Variants in DLC1 observed in about 807,000 individuals in gnomAD.
DLC1 encodes the protein DLC1 Rho GTPase activating protein, also known as rho GTPase-activating protein 7.
In DLC1, 54 loss-of-function variants were observed where a neutral mutation model predicts 140.3. That is an observed-to-expected ratio of 0.38 (90% CI 0.31 to 0.48). The LOEUF is 0.48. Among genes scored for constraint, DLC1 ranks in the 20% least tolerant of loss-of-function variants. The pLI is 0.96. For synonymous variants in DLC1, 986 were observed against 728.1 expected (o/e 1.35, Z -5.70); for missense variants, 2,536 against 1,907.0 (o/e 1.33, Z -6.14).
intron 5 of DLC1, among the ~76,000 whole-genome samples, chr8:13,143,134 G>A (rs1056062748): frequency 6.6e-6 from 1 of 151,436 alleles, no homozygotes; most frequent in Non-Finnish European, 1.5e-5. Context: ...TAATGATCAT[G>A]TATAGATATC....
chr8:13,192,151 A>T (rs558228804), intron 5 of DLC1, among the ~76,000 whole-genome samples: 1 of 151,656 alleles, frequency 6.6e-6, no homozygotes, highest in South Asian at 2.1e-4. Context: ...GGGTTTTACC[A>T]TGTTGGCCAG....
At chr8:13,141,037 G>T (rs957051176) in intron 5 of DLC1, among the ~76,000 whole-genome samples, 1 of 151,216 alleles carries the variant, frequency 6.6e-6, no homozygotes, top group Non-Finnish European at 1.5e-5. Context: ...TGTGGATCAC[G>T]TGGGGTCGGG....
At chr8:13,469,979 G>A (rs1800133151) in intron 2 of DLC1, among the ~76,000 whole-genome samples, 1 of 152,134 alleles carries the variant, frequency 6.6e-6, no homozygotes, top group Non-Finnish European at 1.5e-5. Context: ...TGTATAGAAA[G>A]TGGCATTTGG....
intron 4 of DLC1, among the ~76,000 whole-genome samples, chr8:13,374,572 C>G (rs1039810518): frequency 6.6e-6 from 1 of 152,120 alleles, no homozygotes; most frequent in Non-Finnish European, 1.5e-5. Flanking sequence ...ATCATGAGGT[C>G]AGGAGTTTGA....
intron 4 of DLC1, among the ~76,000 whole-genome samples, chr8:13,360,893 T>C (rs938258570): frequency 6.6e-6 from 1 of 151,054 alleles, no homozygotes; most frequent in African/African-American, 2.4e-5. Context: ...TTTTTTTTTC[T>C]TTTTCACCTT....
chr8:13,572,047 T>C (rs1010919736), intron 1 of DLC1, among the ~76,000 whole-genome samples: 11 of 152,062 alleles, frequency 7.2e-5, no homozygotes, highest in African/African-American at 2.7e-4. Flanking sequence ...CATTTTCAAA[T>C]TGAGTTGTCT....
intron 10 of DLC1, chr8:13,096,126 C>G (rs1424021874): frequency 2.0e-5 from 3 of 152,174 alleles, no homozygotes; most frequent in Non-Finnish European, 4.4e-5. Flanking sequence ...AAGGGCAAGG[C>G]CAAACAGGAA....
intron 5 of DLC1, among the ~76,000 whole-genome samples, chr8:13,278,380 T>G (rs1472952371): frequency 6.6e-6 from 1 of 152,164 alleles, no homozygotes; most frequent in African/African-American, 2.4e-5. Flanking sequence ...CTGGACCTGT[T>G]TTGCAGAGGA....
chr8:13,266,138 A>T (rs1830681490), intron 5 of DLC1, among the ~76,000 whole-genome samples: 1 of 152,252 alleles, frequency 6.6e-6, no homozygotes, highest in Admixed American at 6.5e-5. Flanking sequence ...GAAGAAAAAA[A>T]ATACTAAGCA....
intron 5 of DLC1, among the ~76,000 whole-genome samples, chr8:13,122,985 G>C (rs1307468130): frequency 1.3e-5 from 2 of 151,990 alleles, no homozygotes; most frequent in Non-Finnish European, 2.9e-5. Flanking sequence ...GATCCAACTA[G>C]GCGTACTGCC....
chr8:13,176,200 A>G (rs967194683), intron 5 of DLC1, among the ~76,000 whole-genome samples: 1 of 152,070 alleles, frequency 6.6e-6, no homozygotes, highest in Non-Finnish European at 1.5e-5. Flanking sequence ...TACATTTTTC[A>G]TTTCTTCTCC....
intron 4 of DLC1, among the ~76,000 whole-genome samples, chr8:13,359,195 C>A (rs541193534): frequency 2.0e-5 from 3 of 152,156 alleles, no homozygotes; most frequent in Non-Finnish European, 4.4e-5. Flanking sequence ...GCCTCGGCCT[C>A]CCAAATTGCT....
intron 5 of DLC1, among the ~76,000 whole-genome samples, chr8:13,120,614 C>T (rs931963853): frequency 1.3e-5 from 2 of 151,606 alleles, no homozygotes; most frequent in African/African-American, 4.8e-5. Flanking sequence ...ACAAAAATGC[C>T]ACTAGAAACT....
intron 1 of DLC1, among the ~76,000 whole-genome samples, chr8:13,557,290 G>A (rs1323934016): frequency 2.6e-5 from 4 of 152,146 alleles, no homozygotes; most frequent in African/African-American, 7.2e-5. Flanking sequence ...ATGGTGAGAT[G>A]CAGCAACAGA....
At position 13,499,685 on chromosome 8, in the gene DLC1, A is replaced by G. The variant is rs749695365; in HGVS notation, c.387T>C (p.Asn129=). The change falls in exon 2 of 18, where the codon AAT becomes AAC. Residue 129 remains asparagine (N), a synonymous_variant. Coordinates refer to ENST00000276297, the MANE Select transcript of DLC1 (RefSeq NM_182643.3). ...LCLTDDKQVL[N]TQGQKTSGQH... ...GGCCTGATGTTTTCTGCCCTTGGGT[A>G]TTTAAAACCTGTTTATCATCTGTAA... The G allele has an allele frequency of 1.9e-5, 30 of 1,614,010 alleles. No homozygotes were observed. Among genetic ancestry groups the G allele is most frequent in the Middle Eastern group, 1.6e-4 (1 of 6,084 alleles).
At chr8:13,255,669 G>C (rs1355995655) in intron 5 of DLC1, among the ~76,000 whole-genome samples, 1 of 152,122 alleles carries the variant, frequency 6.6e-6, no homozygotes, top group Non-Finnish European at 1.5e-5. Flanking sequence ...CAGGATTCAT[G>C]CTGTTCCCTT....
In DLC1 at chr8:13,356,839, T is replaced by A. The variant is rs577831212; in HGVS notation, c.1314+36714A>T. Reference sequence around the variant, plus strand: ...TCCTGGACCACACTTCACTCTTTTTTTTATTATTTTTTTATTTTTTATTAT... The same window carrying A: ...TCCTGGACCACACTTCACTCTTTTTATTATTATTTTTTTATTTTTTATTAT... On this transcript the variant is annotated intron_variant, in intron 4 of 17. Coordinates refer to ENST00000276297, the MANE Select transcript of DLC1 (RefSeq NM_182643.3). Among the ~76,000 whole-genome samples the A allele has an allele frequency of 1.1e-3, 174 of 151,842 alleles. 1 individual carries two copies. In the South Asian group the frequency reaches 0.014, roughly 12 times the overall value.
intron 1 of DLC1, among the ~76,000 whole-genome samples, chr8:13,585,641 G>T (rs141413227): frequency 4.6e-4 from 70 of 152,272 alleles, no homozygotes; most frequent in African/African-American, 1.7e-3. Flanking sequence ...TTTGTTCCTT[G>T]TGAGGGCTGT....
At chr8:13,573,650 G>A (rs1421751434) in intron 1 of DLC1, among the ~76,000 whole-genome samples, 3 of 152,086 alleles carry the variant, frequency 2.0e-5, no homozygotes, top group African/African-American at 4.8e-5. Context: ...TTGAATGTTT[G>A]TATCATAAAA....
Sources: allele counts gnomAD v4.1 joint callset (sites outside exome capture counted in the v4.1 genomes callset), GRCh38; gene constraint gnomAD v4.1.1; transcripts MANE v1.5; gene names NCBI Gene and HGNC (gene_info 2026-07-23, HGNC 2026-07-21).